Variants in DDX60 observed in about 807,000 individuals in gnomAD.
The protein encoded by DDX60 is probable ATP-dependent RNA helicase DDX60.
DDX60 carries 165 observed loss-of-function variants against 212.8 expected under a neutral mutation model. The observed-to-expected ratio is 0.78, with a 90% CI of 0.68 to 0.88. The LOEUF is 0.88. DDX60 is among the 40% of genes least tolerant of loss of function. The probability of loss-of-function intolerance (pLI) is 0.00; values close to 1 mark genes in which losing one functional copy is unlikely to be tolerated. For missense variants in DDX60, 1,905 were observed against 2,003.9 expected, an observed-to-expected ratio of 0.95 and a Z score of 0.94; for synonymous variants, 703 against 685.3, an observed-to-expected ratio of 1.03 and a Z score of -0.40.
intron 30 of DDX60, among the ~76,000 whole-genome samples, chr4:168,241,266 A>G (rs1400152139): frequency 6.6e-6 from 1 of 152,062 alleles, no homozygotes; most frequent in Non-Finnish European, 1.5e-5. Flanking sequence ...ACAGACTAAT[A>G]CAGTAAGTTG....
At chr4:168,311,841 C>A (rs1220562643) in intron 1 of DDX60, among the ~76,000 whole-genome samples, 1 of 152,090 alleles carries the variant, frequency 6.6e-6, no homozygotes, top group Non-Finnish European at 1.5e-5. Context: ...ATAGAATTTT[C>A]TTTTCGTCCT....
At chr4:168,294,109 T>C (rs1347464995) in intron 6 of DDX60, among the ~76,000 whole-genome samples, 164 bp from the exon 7 acceptor site, 5 of 152,024 alleles carry the variant, frequency 3.3e-5, no homozygotes, top group African/African-American at 1.2e-4. Context: ...AACCTACACA[T>C]ATACCCCTGA....
chr4:168,228,789 AT>A (rs1187966339), intron 33 of DDX60, among the ~76,000 whole-genome samples: 1 of 151,626 alleles, frequency 6.6e-6, no homozygotes, highest in African/African-American at 2.4e-5. Flanking sequence ...CAAATTTTGG[AT>A]TTTTTCTATG....
chr4:168,278,690 A>T (rs1025002964), intron 14 of DDX60, among the ~76,000 whole-genome samples: 4 of 152,116 alleles, frequency 2.6e-5, no homozygotes, highest in Non-Finnish European at 4.4e-5. Context: ...TTAGCTGGGC[A>T]TGGTGGTGTG....
chr4:168,312,755 A>G (rs1363340023), intron 1 of DDX60, among the ~76,000 whole-genome samples: 1 of 72,568 alleles, frequency 1.4e-5, no homozygotes, highest in Non-Finnish European at 2.7e-5. Flanking sequence ...GATATGATAG[A>G]GAGAGAGAGA....
intron 33 of DDX60, among the ~76,000 whole-genome samples, chr4:168,234,056 A>G (rs1043642727): frequency 1.3e-5 from 2 of 152,092 alleles, no homozygotes; most frequent in African/African-American, 4.8e-5. Flanking sequence ...ATTGTCCACT[A>G]GCTTCCATTA....
At chr4:168,251,297 G>A (rs900003266) in intron 27 of DDX60, among the ~76,000 whole-genome samples, 191 bp from the exon 28 acceptor site, 3 of 152,182 alleles carry the variant, frequency 2.0e-5, no homozygotes, top group Non-Finnish European at 4.4e-5. Flanking sequence ...CACTTCTTTG[G>A]ACAGACCATC....
chr4:168,300,327 T>C (rs1274937505), intron 6 of DDX60, among the ~76,000 whole-genome samples: 3 of 151,768 alleles, frequency 2.0e-5, no homozygotes, highest in Admixed American at 6.6e-5. Flanking sequence ...AGATCACGAG[T>C]TCAGTAGTTC....
chr4:168,266,884 C>G (rs1050642716), intron 22 of DDX60, among the ~76,000 whole-genome samples: 1 of 152,126 alleles, frequency 6.6e-6, no homozygotes, highest in Non-Finnish European at 1.5e-5. Context: ...CTCCTTTAAT[C>G]ATCACAACAA....
intron 33 of DDX60, among the ~76,000 whole-genome samples, chr4:168,232,196 A>G (rs1733477803): frequency 1.3e-5 from 2 of 152,048 alleles, no homozygotes; most frequent in South Asian, 4.1e-4. Context: ...ACTACAACAC[A>G]CTGCTGAAAG....
At position 168,242,576 on chromosome 4, in the gene DDX60, G is replaced by A. The variant is rs190136062; in HGVS notation, c.4164+3842C>T. On this transcript the variant is annotated intron_variant, in intron 30 of 37. Transcript: ENST00000393743. ...TGGATTTTGGACTTGCATGGGGCCT[G>A]TGGTGCCTTTGATTTGGCAAATTTC... 8.5e-5 allele frequency among the ~76,000 whole-genome samples: 13 copies of A among 152,320 alleles called. No homozygotes were observed. In the East Asian group the frequency reaches 2.5e-3, roughly 29 times the overall value.
rs1049564407 is a variant in DDX60 at position 168,236,376 on chromosome 4, A to T, written c.4412-3T>A. The stretch of plus-strand genomic sequence containing the variant: ...GTCTTGAGAAAAATGTTTTGAGCCT[A>T]TATAAAACAAAGTGTCTTCTTGTAA... On this transcript the variant is annotated splice_region_variant and splice_polypyrimidine_tract_variant and intron_variant, in intron 32 of 37. Coordinates refer to ENST00000393743, the MANE Select transcript of DDX60 (RefSeq NM_017631.6). The T allele has an allele frequency of 9.4e-6, 15 of 1,594,514 alleles. No individual in the cohort carries two copies. The highest frequency in any genetic ancestry group is 1.3e-5 in the Non-Finnish European group (15 of 1,171,298).
intron 33 of DDX60, among the ~76,000 whole-genome samples, chr4:168,233,184 G>T (rs2149494444): frequency 6.6e-6 from 1 of 152,170 alleles, no homozygotes; most frequent in East Asian, 1.9e-4. Flanking sequence ...TGTAAGGATG[G>T]CCATAATCAA....
intron 3 of DDX60, among the ~76,000 whole-genome samples, chr4:168,309,251 T>A (rs1737027683): frequency 6.6e-6 from 1 of 152,108 alleles, no homozygotes; most frequent in Non-Finnish European, 1.5e-5. Context: ...AAACCCTAAA[T>A]AAAACCATGG....
chr4:168,247,582 T>A (rs1442128880), intron 29 of DDX60, among the ~76,000 whole-genome samples: 2 of 151,922 alleles, frequency 1.3e-5, no homozygotes, highest in Non-Finnish European at 2.9e-5. Context: ...AGCAGGGAGG[T>A]CGTATGAAGA....
chr4:168,259,449 A>G (rs1344664405), intron 25 of DDX60, among the ~76,000 whole-genome samples: 23 of 152,158 alleles, frequency 1.5e-4, no homozygotes. Flanking sequence ...ATATTATTGC[A>G]ATCCCCCAAA....
chr4:168,320,069 C>T (rs375496620), upstream of DDX60, among the ~76,000 whole-genome samples: 2 of 152,132 alleles, frequency 1.3e-5, no homozygotes, highest in Non-Finnish European at 2.9e-5. Flanking sequence ...CTTAAATCAG[C>T]CAATATTCCT....
chr4:168,242,963 C>T (rs909778314), intron 30 of DDX60, among the ~76,000 whole-genome samples: 5 of 152,078 alleles, frequency 3.3e-5, no homozygotes, highest in African/African-American at 1.2e-4. Context: ...CGGGTCTTTC[C>T]CATGCTGTTC....
At chr4:168,231,050 A>G (rs1733433514) in intron 33 of DDX60, among the ~76,000 whole-genome samples, 1 of 151,980 alleles carries the variant, frequency 6.6e-6, no homozygotes, top group East Asian at 1.9e-4. Flanking sequence ...ACGAAAAAAA[A>G]AATTATTCAA....
Sources: allele counts gnomAD v4.1 joint callset (sites outside exome capture counted in the v4.1 genomes callset), GRCh38; gene constraint gnomAD v4.1.1; transcripts MANE v1.5; gene names NCBI Gene and HGNC (gene_info 2026-07-23, HGNC 2026-07-21).